The following SLC8A3 variants were observed in gnomAD, a reference collection of about 807,000 sequenced individuals.
The protein encoded by SLC8A3 is sodium/calcium exchanger 3.
SLC8A3 carries 37 observed loss-of-function variants against 65.4 expected under a neutral mutation model. The ratio of observed to expected loss-of-function variants is 0.57; its 90% CI spans 0.44 to 0.74. The LOEUF is 0.74. Ranked by LOEUF, SLC8A3 falls within the 30% of genes least tolerant of loss-of-function variation. The probability of loss-of-function intolerance (pLI) is 0.00; values close to 1 mark genes in which losing one functional copy is unlikely to be tolerated. For missense variants in SLC8A3, 1,112 were observed against 1,172.1 expected (o/e 0.95, Z 0.75); for synonymous variants, 461 against 444.5 (o/e 1.04, Z -0.47).
chr14:70,174,666 T>TTTTTTTTTTTTTG (rs1897775645), intron 1 of SLC8A3, among the ~76,000 whole-genome samples: 1 of 56,932 alleles, frequency 1.8e-5, no homozygotes, highest in African/African-American at 7.1e-5. Flanking sequence ...TTTTTTGTTT[T>TTTTTTTTTTTTTG]TTTTTTTTTT....
At position 70,137,865 on chromosome 14, in the gene SLC8A3, A is replaced by G. The variant is rs138139737; in HGVS notation, c.1784+28774T>C. On this transcript the variant is annotated intron_variant, in intron 2 of 6. Coordinates refer to ENST00000356921, the MANE Select transcript of SLC8A3 (RefSeq NM_182932.3). Reference sequence around the variant, plus strand: ...CTCCCTGGGAAAAATGGGAACTTCAATTCACCTCCTTAGGGGAGAACGATG... The same window carrying G: ...CTCCCTGGGAAAAATGGGAACTTCAGTTCACCTCCTTAGGGGAGAACGATG... 2.5e-3 allele frequency among the ~76,000 whole-genome samples: 379 copies of G among 149,356 alleles called. 1 individual carries two copies. Among genetic ancestry groups the G allele is most frequent in the African/African-American group, 9.1e-3 (371 of 40,604 alleles).
intron 2 of SLC8A3, among the ~76,000 whole-genome samples, chr14:70,157,839 G>C (rs1896665572): frequency 6.6e-6 from 1 of 152,188 alleles, no homozygotes; most frequent in Non-Finnish European, 1.5e-5. Context: ...TTTGTTTCCT[G>C]GGAGATATCA....
chr14:70,072,374 G>T (rs777596352), intron 2 of SLC8A3, among the ~76,000 whole-genome samples: 1 of 151,934 alleles, frequency 6.6e-6, no homozygotes, highest in African/African-American at 2.4e-5. Flanking sequence ...TTTCCCAAAG[G>T]TCAGGGCAAA....
chr14:70,079,535 A>G (rs1448576679), intron 2 of SLC8A3, among the ~76,000 whole-genome samples: 23 of 152,022 alleles, frequency 1.5e-4, no homozygotes. Context: ...TGAGGGAAAA[A>G]ATAATGGCAT....
intron 1 of SLC8A3, among the ~76,000 whole-genome samples, chr14:70,176,797 T>A (rs1356116642): frequency 1.3e-5 from 2 of 152,252 alleles, no homozygotes; most frequent in Non-Finnish European, 2.9e-5. Context: ...CTTGTACTCA[T>A]GAAATATAAA....
chr14:70,123,095 A>AT (rs1894191971), intron 2 of SLC8A3, among the ~76,000 whole-genome samples: 1 of 141,978 alleles, frequency 7.0e-6, no homozygotes, highest in Admixed American at 7.0e-5. Flanking sequence ...AAAAAAAAAA[A>AT]TTGGCAGGGC....
At position 70,045,903 on chromosome 14, in the gene SLC8A3, G is replaced by A; in HGVS notation, c.*44C>T. 6.6e-7 allele frequency: 1 copy of A among 1,507,990 alleles called. No homozygotes were observed. The highest frequency in any genetic ancestry group is 8.9e-7 in the Non-Finnish European group (1 of 1,123,872). 93.4% of individuals were successfully genotyped at this position (1,507,990 alleles called of 1,614,324 possible). On this transcript the variant is annotated 3_prime_UTR_variant, in exon 7 of 7. Transcript: ENST00000356921. The stretch of plus-strand genomic sequence containing the variant: ...CTGGTGGGGAAGTGCCCTTCTCTTA[G>A]GAGAAGTCCTAGGCCTGCCCTGCTG...
intron 2 of SLC8A3, among the ~76,000 whole-genome samples, chr14:70,155,176 C>T (rs527498848): frequency 3.3e-5 from 5 of 152,226 alleles, no homozygotes; most frequent in African/African-American, 1.2e-4. Flanking sequence ...CCACCTCGGC[C>T]TCCCAAAATG....
intron 2 of SLC8A3, among the ~76,000 whole-genome samples, chr14:70,133,217 G>A (rs1161260616): frequency 6.6e-6 from 1 of 152,092 alleles, no homozygotes; most frequent in Non-Finnish European, 1.5e-5. Flanking sequence ...AAAAAATGAG[G>A]CCTTGAAAGA....
intron 2 of SLC8A3, among the ~76,000 whole-genome samples, chr14:70,122,099 T>G (rs73276751): frequency 7.7e-4 from 118 of 152,268 alleles, no homozygotes; most frequent in African/African-American, 2.8e-3. Context: ...TGGACACCCC[T>G]GTGTGAAGAA....
At chr14:70,145,634 C>T (rs1224254249) in intron 2 of SLC8A3, among the ~76,000 whole-genome samples, 1 of 152,218 alleles carries the variant, frequency 6.6e-6, no homozygotes, top group African/African-American at 2.4e-5. Flanking sequence ...ATGATAGCAA[C>T]ACTGTCAAAC....
chr14:70,117,022 G>C (rs1197483541), intron 2 of SLC8A3, among the ~76,000 whole-genome samples: 1 of 152,204 alleles, frequency 6.6e-6, no homozygotes, highest in East Asian at 1.9e-4. Flanking sequence ...CAGACACATA[G>C]CTTGATTTTT....
intron 1 of SLC8A3, chr14:70,187,343 G>A (rs8015786): frequency 8.3e-5 from 14 of 168,110 alleles, no homozygotes; most frequent in East Asian, 4.1e-4. Flanking sequence ...GAGAGAGAGA[G>A]AGAGAGAGAA....
intron 2 of SLC8A3, among the ~76,000 whole-genome samples, chr14:70,061,532 A>AAGAG (rs149638039): frequency 1.4e-4 from 21 of 148,128 alleles, no homozygotes; most frequent in African/African-American, 5.0e-4. Context: ...AGAGGAAGAG[A>AAGAG]AGAGAGAGAG....
intron 2 of SLC8A3, among the ~76,000 whole-genome samples, chr14:70,087,155 T>C (rs888685720): frequency 3.3e-5 from 5 of 152,194 alleles, no homozygotes; most frequent in Non-Finnish European, 2.9e-5. Context: ...AAGGGAAAAA[T>C]AATTCAGAAT....
At chr14:70,112,999 T>C (rs1893410134) in intron 2 of SLC8A3, among the ~76,000 whole-genome samples, 1 of 152,282 alleles carries the variant, frequency 6.6e-6, no homozygotes, top group African/African-American at 2.4e-5. Flanking sequence ...TATTTCTAAA[T>C]AAAATTGTAT....
intron 2 of SLC8A3, among the ~76,000 whole-genome samples, chr14:70,132,699 T>A (rs899769111): frequency 6.6e-6 from 1 of 152,178 alleles, no homozygotes; most frequent in African/African-American, 2.4e-5. Context: ...GGTAGGGGTA[T>A]CTAAATTAAC....
chr14:70,122,940 C>T (rs1481837833), intron 2 of SLC8A3, among the ~76,000 whole-genome samples: 5 of 151,780 alleles, frequency 3.3e-5, no homozygotes, highest in Admixed American at 6.6e-5. Context: ...GGTGCGGTGG[C>T]GGGCGCCTGT....
chr14:70,060,381 G>A (rs1367593990), intron 3 of SLC8A3: 1 of 301,482 alleles, frequency 3.3e-6, no homozygotes, highest in Non-Finnish European at 6.4e-6. Context: ...AGGCAGGAAG[G>A]GGCACAGGCA....
Sources: gnomAD v4.1 joint callset for allele counts (sites outside exome capture counted in the v4.1 genomes callset) on GRCh38, gnomAD v4.1.1 for gene constraint, MANE v1.5 for transcripts, NCBI Gene and HGNC (gene_info 2026-07-23, HGNC 2026-07-21) for gene names.